Variants in PTPRA observed in about 807,000 individuals in gnomAD.
PTPRA encodes protein tyrosine phosphatase receptor type A, also known as receptor-type tyrosine-protein phosphatase alpha.
In PTPRA, 25 loss-of-function variants were observed where a neutral mutation model predicts 104.8. That is an observed-to-expected ratio of 0.24 (90% CI 0.17 to 0.33). PTPRA has a LOEUF of 0.33. Ranked by LOEUF, PTPRA falls within the 10% of genes least tolerant of loss-of-function variation. The pLI is 1.00. For synonymous variants in PTPRA, 323 were observed against 368.9 expected (o/e 0.88, Z 1.43); for missense variants, 765 against 1,015.3 (o/e 0.75, Z 3.35).
chr20:2,890,960 A>G (rs1485991987), intron 1 of PTPRA, among the ~76,000 whole-genome samples: 1 of 152,196 alleles, frequency 6.6e-6, no homozygotes, highest in Non-Finnish European at 1.5e-5. Flanking sequence ...CCAACAGCCT[A>G]CTGGTCTCCA....
intron 1 of PTPRA, among the ~76,000 whole-genome samples, chr20:2,902,347 T>C (rs2059268830): frequency 6.6e-6 from 1 of 152,224 alleles, no homozygotes; most frequent in Admixed American, 6.5e-5. Flanking sequence ...ATCAAATTAT[T>C]CTGAAGCTTG....
chr20:2,865,505 G>T, the PTPRA span: 1 of 1,612,104 alleles, frequency 6.2e-7, no homozygotes, highest in East Asian at 2.2e-5. The surrounding 1 kb of genome is among the most constrained non-coding windows in gnomAD (Gnocchi z 5.2). Context: ...GGTGAGGCAG[G>T]GTCCTCCCTC....
At chr20:2,941,674 A>G (rs1430702329) in intron 2 of PTPRA, among the ~76,000 whole-genome samples, 2 of 152,172 alleles carry the variant, frequency 1.3e-5, no homozygotes, top group African/African-American at 2.4e-5. Flanking sequence ...CCTACCCTGT[A>G]TACATCTCCA....
rs557289012 is a variant in PTPRA at position 2,930,017 on chromosome 20, C to T, written c.-50+6732C>T. The stretch of plus-strand genomic sequence containing the variant: ...ATCTGCAGGCCAAGGAGAGAGGTCT[C>T]ATAGGAAACCAAACTTGCTGACACT... On this transcript the variant is annotated intron_variant, in intron 2 of 23. Transcript: ENST00000399903. Among the ~76,000 whole-genome samples, 4 of 152,154 alleles carry T rather than the reference C, an allele frequency of 2.6e-5. No individual in the cohort carries two copies. The South Asian group carries it at 6.2e-4, about 24-fold the overall frequency.
At chr20:2,881,915 G>C (rs2090071550) in intron 1 of PTPRA, among the ~76,000 whole-genome samples, 1 of 152,102 alleles carries the variant, frequency 6.6e-6, no homozygotes, top group Non-Finnish European at 1.5e-5. Flanking sequence ...CAGGAGAATC[G>C]CTTGAACCTG....
intron 1 of PTPRA, among the ~76,000 whole-genome samples, chr20:2,894,874 C>G (rs892588772): frequency 1.3e-5 from 2 of 151,384 alleles, no homozygotes; most frequent in Non-Finnish European, 1.5e-5. Context: ...GTAGTCCCAG[C>G]TACTCGGGAG....
intron 10 of PTPRA, among the ~76,000 whole-genome samples, chr20:3,006,925 C>T (rs943915384): frequency 4.6e-5 from 7 of 152,044 alleles, no homozygotes; most frequent in African/African-American, 1.7e-4. Flanking sequence ...CCACCATGCT[C>T]GGCCTTGTCT....
At chr20:2,918,202 T>C (rs1203730875) in intron 1 of PTPRA, among the ~76,000 whole-genome samples, 1 of 152,188 alleles carries the variant, frequency 6.6e-6, no homozygotes, top group Non-Finnish European at 1.5e-5. Context: ...TTTCCTTCTT[T>C]TTTTTAAAAC....
At chr20:2,887,493 C>T (rs1048982096) in intron 1 of PTPRA, among the ~76,000 whole-genome samples, 10 of 152,042 alleles carry the variant, frequency 6.6e-5, no homozygotes, top group African/African-American at 1.9e-4. Context: ...GATACATGGA[C>T]AAGTATGATT....
chr20:3,018,766 G>C (rs1428855411), intron 13 of PTPRA, among the ~76,000 whole-genome samples: 1 of 144,176 alleles, frequency 6.9e-6, no homozygotes, highest in Non-Finnish European at 1.5e-5. Flanking sequence ...GGTGGTGGCC[G>C]GGCAGAGGGG....
intron 1 of PTPRA, among the ~76,000 whole-genome samples, chr20:2,897,963 G>A (rs689005): frequency 0.67 from 94,998 of 142,186 alleles, 32,990 homozygotes; most frequent in East Asian, 0.86. Flanking sequence ...CCCAGGCTGG[G>A]GTGCAATGGC....
chr20:2,977,599 T>C (rs1456954893), intron 6 of PTPRA, among the ~76,000 whole-genome samples: 1 of 150,844 alleles, frequency 6.6e-6, no homozygotes, highest in Non-Finnish European at 1.5e-5. Flanking sequence ...GAGCCAAGAT[T>C]GCGTGACTGT....
chr20:2,970,771 A>G (rs2062152152), intron 5 of PTPRA, among the ~76,000 whole-genome samples: 1 of 152,096 alleles, frequency 6.6e-6, no homozygotes, highest in Non-Finnish European at 1.5e-5. Context: ...CTCCAAGATT[A>G]TAAAAATAAT....
intron 2 of PTPRA, among the ~76,000 whole-genome samples, chr20:2,930,343 T>C (rs1266730010): frequency 2.0e-5 from 3 of 152,172 alleles, no homozygotes; most frequent in African/African-American, 7.2e-5. Context: ...AGAGTGCTTA[T>C]GAAAGAAAAG....
chr20:2,981,704 G>A (rs911817519), intron 6 of PTPRA, among the ~76,000 whole-genome samples: 3 of 152,132 alleles, frequency 2.0e-5, no homozygotes, highest in Non-Finnish European at 4.4e-5. Context: ...TTGGGCTGTG[G>A]GTGTACTGGT....
chr20:2,904,399 G>C (rs1419419261), intron 1 of PTPRA, among the ~76,000 whole-genome samples: 1 of 151,944 alleles, frequency 6.6e-6, no homozygotes, highest in Non-Finnish European at 1.5e-5. Context: ...GGCCAGGCGC[G>C]GTGGCTCATG....
the PTPRA span, chr20:2,864,598 G>A: frequency 1.9e-6 from 3 of 1,614,142 alleles, no homozygotes; most frequent in Non-Finnish European, 2.5e-6. This position sits in a 1 kb window ranked among gnomAD's most constrained non-coding sequence, Gnocchi z 5.2. Context: ...CAATCAGGAT[G>A]ACAATCACCA....
chr20:2,974,292 C>A (rs192080391), intron 5 of PTPRA, among the ~76,000 whole-genome samples: 83 of 152,126 alleles, frequency 5.5e-4, no homozygotes, highest in African/African-American at 1.8e-3. Context: ...ACTCTGCCCC[C>A]CTTCTGGAGT....
chr20:2,883,513 G>A lies in PTPRA; in HGVS notation c.-129+9753G>A, dbSNP rs1237763766. Reference sequence around the variant, plus strand: ...TAAAAATACAAAAAATTAGCCGGGCGTGGTGGCGGGCGCCTGTAGTCCCAG... The same window carrying A: ...TAAAAATACAAAAAATTAGCCGGGCATGGTGGCGGGCGCCTGTAGTCCCAG... On this transcript the variant is annotated intron_variant, in intron 1 of 23. Transcript: ENST00000399903. Among the ~76,000 whole-genome samples the A allele has an allele frequency of 1.7e-4, 12 of 70,546 alleles. 4 individuals are homozygous for A. Among genetic ancestry groups the A allele is most frequent in the Non-Finnish European group, 2.7e-4 (12 of 44,478 alleles). 46.3% of individuals were successfully genotyped at this position (70,546 alleles called of 152,430 possible).
Sources: allele counts gnomAD v4.1 joint callset (sites outside exome capture counted in the v4.1 genomes callset), GRCh38; gene constraint gnomAD v4.1.1; non-coding constraint Gnocchi (gnomAD v3.1); transcripts MANE v1.5; gene names NCBI Gene and HGNC (gene_info 2026-07-23, HGNC 2026-07-21).